Variants in LDLRAD4 observed in about 807,000 individuals in gnomAD.
LDLRAD4 encodes low-density lipoprotein receptor class A domain-containing protein 4.
Under a neutral mutation model 17.0 loss-of-function variants are expected in LDLRAD4, and 5 were observed. The ratio of observed to expected loss-of-function variants is 0.29; its 90% CI spans 0.15 to 0.62. LDLRAD4 has a LOEUF of 0.62. Among genes scored for constraint, LDLRAD4 ranks in the 20% least tolerant of loss-of-function variants. The pLI is 0.84. For synonymous variants in LDLRAD4, 168 were observed against 171.8 expected, an observed-to-expected ratio of 0.98 and a Z score of 0.17; for missense variants, 340 against 424.7, an observed-to-expected ratio of 0.80 and a Z score of 1.75.
At chr18:13,342,051 C>T (rs1253703221) in intron 1 of LDLRAD4, among the ~76,000 whole-genome samples, 5 of 152,024 alleles carry the variant, frequency 3.3e-5, no homozygotes, top group Non-Finnish European at 5.9e-5. Context: ...TTGATTTTCA[C>T]ATGTTGAACT....
chr18:13,645,023 A>C lies in LDLRAD4; in HGVS notation c.391-104A>C. On this transcript the variant is annotated intron_variant, in intron 5 of 5. Transcript: ENST00000359446. The surrounding 1 kb of genome is among the most constrained non-coding windows in gnomAD (Gnocchi z 5.7). Reference sequence around the variant, plus strand: ...TTTTTTTCCTGGGAGATGGTGTTCAAACTGGTAGGAACACACACCAAGCGT... The same window carrying C: ...TTTTTTTCCTGGGAGATGGTGTTCACACTGGTAGGAACACACACCAAGCGT... The C allele has an allele frequency of 1.1e-6, 1 of 929,772 alleles. No individual in the cohort carries two copies. Among genetic ancestry groups the C allele is most frequent in the Non-Finnish European group, 1.6e-6 (1 of 617,446 alleles). 57.6% of individuals were successfully genotyped at this position (929,772 alleles called of 1,614,324 possible).
intron 2 of LDLRAD4, among the ~76,000 whole-genome samples, chr18:13,404,583 G>T (rs560857262): frequency 4.1e-4 from 63 of 152,232 alleles, no homozygotes; most frequent in Non-Finnish European, 1.3e-4. Flanking sequence ...GGATCACGAG[G>T]TCAGGAGATC....
chr18:13,493,848 CT>C (rs1204148156), intron 3 of LDLRAD4, among the ~76,000 whole-genome samples: 1 of 152,246 alleles, frequency 6.6e-6, no homozygotes, highest in Non-Finnish European at 1.5e-5. Context: ...CCCCGTGGTC[CT>C]TGTCCAGGAC....
chr18:13,426,908 A>AG (rs1429584754), intron 2 of LDLRAD4, among the ~76,000 whole-genome samples: 1 of 152,206 alleles, frequency 6.6e-6, no homozygotes, highest in African/African-American at 2.4e-5. Context: ...AAGGAAGGCC[A>AG]GGTGCAGTGG....
chr18:13,546,726 G>T (rs1039768327), intron 3 of LDLRAD4, among the ~76,000 whole-genome samples: 6 of 152,152 alleles, frequency 3.9e-5, no homozygotes, highest in African/African-American at 1.4e-4. Flanking sequence ...GATGCTGTCG[G>T]GCACGTGGTT....
intron 1 of LDLRAD4, among the ~76,000 whole-genome samples, chr18:13,320,759 G>A (rs1010209543): frequency 5.3e-5 from 8 of 152,290 alleles, no homozygotes; most frequent in East Asian, 1.9e-4. Flanking sequence ...GCAACTCTAC[G>A]TTTGAGTAAC....
At chr18:13,384,191 G>T (rs567286624) in intron 1 of LDLRAD4, among the ~76,000 whole-genome samples, 1 of 152,244 alleles carries the variant, frequency 6.6e-6, no homozygotes, top group African/African-American at 2.4e-5. Flanking sequence ...CTGGGAAGTT[G>T]GTTGTTTCTT....
intron 3 of LDLRAD4, among the ~76,000 whole-genome samples, chr18:13,495,983 C>G (rs935068031): frequency 5.3e-5 from 8 of 152,176 alleles, no homozygotes; most frequent in African/African-American, 1.9e-4. Flanking sequence ...CCTTCTAAAC[C>G]CTGTAATACA....
intron 3 of LDLRAD4, among the ~76,000 whole-genome samples, chr18:13,571,847 A>G (rs930008537): frequency 6.6e-6 from 1 of 152,020 alleles, no homozygotes; most frequent in East Asian, 1.9e-4. Flanking sequence ...CGTGTTAACC[A>G]GGATGGTCTG....
At chr18:13,564,623 A>G (rs868290376) in intron 3 of LDLRAD4, among the ~76,000 whole-genome samples, 1 of 149,588 alleles carries the variant, frequency 6.7e-6, no homozygotes, top group Non-Finnish European at 1.5e-5. Context: ...AAAAAGCCCA[A>G]GCCTTTGTGG....
chr18:13,641,962 G>A (rs1414133385), intron 4 of LDLRAD4: 1 of 985,424 alleles, frequency 1.0e-6, no homozygotes, highest in Middle Eastern at 5.2e-4. Flanking sequence ...GCGCCCCTGC[G>A]GGCCCAGCCT....
chr18:13,648,467 A>G (rs1568459183), exon 6 of LDLRAD4: 1 of 152,180 alleles, frequency 6.6e-6, no homozygotes, highest in Non-Finnish European at 1.5e-5. Flanking sequence ...TTGATGGTCA[A>G]TTTCCCTTCA....
At chr18:13,353,248 C>G (rs965891172) in intron 1 of LDLRAD4, among the ~76,000 whole-genome samples, 22 of 151,994 alleles carry the variant, frequency 1.4e-4, no homozygotes, top group Non-Finnish European at 1.0e-4. Context: ...TCCTGTCTTT[C>G]TAGAGTGGCT....
At position 13,600,102 on chromosome 18, in the gene LDLRAD4, C is replaced by G. The variant is rs1341546545; in HGVS notation, c.182-21015C>G. 2.0e-5 allele frequency among the ~76,000 whole-genome samples: 3 copies of G among 152,300 alleles called. No homozygotes were observed. The East Asian group carries it at 5.8e-4, about 29-fold the overall frequency. On this transcript the variant is annotated intron_variant, in intron 3 of 5. Transcript: ENST00000359446. ...AGGTAGCTGAAACTATAGGCACATA[C>G]CACTATACCTGTAATTTTATTATAC... is the stretch of plus-strand genomic sequence containing the variant.
At chr18:13,388,018 C>G (rs1337217875) in intron 2 of LDLRAD4, among the ~76,000 whole-genome samples, 1 of 152,196 alleles carries the variant, frequency 6.6e-6, no homozygotes, top group African/African-American at 2.4e-5. Context: ...ACACAATATC[C>G]TGCAGTATTC....
intron 2 of LDLRAD4, among the ~76,000 whole-genome samples, chr18:13,401,370 GAAA>G (rs10575892): frequency 1.3e-4 from 18 of 142,340 alleles, no homozygotes; most frequent in East Asian, 4.2e-4. Flanking sequence ...TCATCGCTTT[GAAA>G]AAAAAAAAAA....
chr18:13,519,451 TGAC>T (rs1473343769), intron 3 of LDLRAD4, among the ~76,000 whole-genome samples: 2 of 152,160 alleles, frequency 1.3e-5, no homozygotes, highest in African/African-American at 4.8e-5. Flanking sequence ...TAAAAAGACT[TGAC>T]AACTTCCAAA....
At chr18:13,590,012 G>A (rs543638461) in intron 3 of LDLRAD4, among the ~76,000 whole-genome samples, 7 of 150,790 alleles carry the variant, frequency 4.6e-5, no homozygotes, top group African/African-American at 1.7e-4. Flanking sequence ...CACGTGTGTG[G>A]CTGTGCATGT....
chr18:13,623,174 G>A (rs762583096), intron 4 of LDLRAD4, among the ~76,000 whole-genome samples: 2 of 152,336 alleles, frequency 1.3e-5, no homozygotes, highest in East Asian at 3.9e-4. Context: ...GTCATGTGGC[G>A]GCAGATTTGT....
Sources: allele counts gnomAD v4.1 joint callset (sites outside exome capture counted in the v4.1 genomes callset), GRCh38; gene constraint gnomAD v4.1.1; non-coding constraint Gnocchi (gnomAD v3.1); transcripts MANE v1.5; gene names NCBI Gene and HGNC (gene_info 2026-07-23, HGNC 2026-07-21).